CEP70: variants seen among roughly 807,000 people sequenced by gnomAD.
CEP70 encodes centrosomal protein of 70 kDa.
In CEP70, 70 loss-of-function variants were observed where a neutral mutation model predicts 90.9. That is an observed-to-expected ratio of 0.77 (90% CI 0.64 to 0.94). The LOEUF is 0.94. Among genes scored for constraint, CEP70 ranks in the 40% least tolerant of loss-of-function variants. The pLI, the probability that CEP70 is intolerant of heterozygous loss-of-function variation, is 0.00. For synonymous variants in CEP70, 220 were observed against 228.3 expected, an observed-to-expected ratio of 0.96 and a Z score of 0.33; for missense variants, 648 against 669.0, an observed-to-expected ratio of 0.97 and a Z score of 0.35.
intron 6 of CEP70, among the ~76,000 whole-genome samples, chr3:138,547,256 C>T (rs781547420): frequency 1.3e-5 from 2 of 152,190 alleles, no homozygotes; most frequent in African/African-American, 4.8e-5. Flanking sequence ...AAAAGCAATA[C>T]AGTAGTCCTC....
chr3:138,569,454 C>A (rs902581040), intron 6 of CEP70, among the ~76,000 whole-genome samples: 8 of 152,162 alleles, frequency 5.3e-5, no homozygotes, highest in Non-Finnish European at 1.0e-4. Context: ...GCATAAGATT[C>A]ATTTCTTTTA....
intron 8 of CEP70, among the ~76,000 whole-genome samples, chr3:138,531,301 T>C (rs2037789506): frequency 6.6e-6 from 1 of 152,128 alleles, no homozygotes; most frequent in Admixed American, 6.5e-5. Context: ...TCACATCATA[T>C]TCTACACAAA....
intron 8 of CEP70, 119 bp downstream of exon 8, chr3:138,532,395 T>G: frequency 1.2e-6 from 1 of 818,964 alleles, no homozygotes. Flanking sequence ...AAAAAAGAAC[T>G]TCACAGTGAC....
intron 7 of CEP70, 52 bp downstream of exon 7, chr3:138,537,126 A>C: frequency 7.5e-7 from 1 of 1,337,262 alleles, no homozygotes; most frequent in Non-Finnish European, 9.9e-7. Flanking sequence ...AAAACAAACA[A>C]ACAAACACAA....
intron 11 of CEP70, among the ~76,000 whole-genome samples, chr3:138,510,106 T>C (rs757170263): frequency 1.3e-5 from 2 of 152,000 alleles, no homozygotes; most frequent in East Asian, 1.9e-4. Context: ...GAATAAGAAA[T>C]CTGGGCTAGT....
rs1414486087 is a variant in CEP70 at position 138,537,390 on chromosome 3, T to C, written c.466-43A>G. 2.3e-6 allele frequency: 3 copies of C among 1,306,894 alleles called. No individual in the cohort carries two copies. In the South Asian group the frequency reaches 4.6e-5, roughly 20 times the overall value. 81.0% of individuals were successfully genotyped at this position (1,306,894 alleles called of 1,614,324 possible). A position where few individuals can be genotyped will look rare whatever the true frequency, so the allele number is the denominator to read the frequency against. On this transcript the variant is annotated intron_variant, in intron 6 of 17. Transcript: ENST00000264982. ...AAAACATGATTATGATATGTACATCTAGGACATGCTATCCTAACAGTATTG... is the reference window on the plus strand; with the variant it reads ...AAAACATGATTATGATATGTACATCCAGGACATGCTATCCTAACAGTATTG...
intron 6 of CEP70, among the ~76,000 whole-genome samples, chr3:138,543,717 T>C (rs984349745): frequency 4.6e-5 from 7 of 152,136 alleles, no homozygotes; most frequent in African/African-American, 1.7e-4. Flanking sequence ...ATCAGGAGGA[T>C]AGCTTGAGCC....
chr3:138,570,944 A>C, intron 5 of CEP70, 90 bp downstream of exon 5: 9 of 1,106,304 alleles, frequency 8.1e-6, no homozygotes, highest in Non-Finnish European at 1.1e-5. Context: ...TTTAATCAAA[A>C]TGGGAAATTA....
intron 7 of CEP70, among the ~76,000 whole-genome samples, chr3:138,534,774 G>A (rs867885298): frequency 1.3e-5 from 2 of 152,136 alleles, no homozygotes; most frequent in South Asian, 2.1e-4. Context: ...GACTGAAGGT[G>A]CCTAAGTATA....
At chr3:138,518,899 G>C (rs946268955) in intron 11 of CEP70, among the ~76,000 whole-genome samples, 1 of 152,088 alleles carries the variant, frequency 6.6e-6, no homozygotes, top group South Asian at 2.1e-4. Flanking sequence ...AAAGGAGGAA[G>C]TTTGAACCCA....
chr3:138,496,217 GCTTT>G (rs2033946065), intron 17 of CEP70: 1 of 985,288 alleles, frequency 1.0e-6, no homozygotes, highest in Non-Finnish European at 1.2e-6. Context: ...CATAAAGCAT[GCTTT>G]CTTGGATTCC....
At position 138,494,482 on chromosome 3, in the gene CEP70, C is replaced by T. The variant is rs1246048464; in HGVS notation, c.*533G>A. 1 of 152,224 alleles carries T rather than the reference C, an allele frequency of 6.6e-6. No homozygotes were observed. The highest frequency in any genetic ancestry group is 1.5e-5 in the Non-Finnish European group (1 of 68,092). 9.4% of individuals were successfully genotyped at this position (152,224 alleles called of 1,614,324 possible). A position where few individuals can be genotyped will look rare whatever the true frequency, so the allele number is the denominator to read the frequency against. ...ATTTTACCCTATGATTCATTTCCTA[C>T]CCTAACAGAAATGATGAAACAGTTT... On this transcript the variant is annotated 3_prime_UTR_variant, in exon 18 of 18. Transcript: ENST00000264982.
At position 138,505,400 on chromosome 3, in the gene CEP70, G is replaced by C; in HGVS notation, c.1116C>G (p.Thr372=). 1 of 1,610,826 alleles carries C rather than the reference G, an allele frequency of 6.2e-7. No individual in the cohort carries two copies. Among genetic ancestry groups the C allele is most frequent in the East Asian group, 2.2e-5 (1 of 44,656 alleles). Residue 372 remains threonine (T), a synonymous_variant, in exon 13 of 18, where the codon ACC becomes ACG. Coordinates refer to ENST00000264982, the MANE Select transcript of CEP70 (RefSeq NM_024491.4). ...TATTAAAATTTTGGACTCCCCCTTTGGTCTGTTTATAAATTATTACTGGAG... is the reference window on the plus strand; with the variant it reads ...TATTAAAATTTTGGACTCCCCCTTTCGTCTGTTTATAAATTATTACTGGAG... The part of the protein sequence containing the change: ...PRAPVIIYKQ[T]KGGVQNFNKD...
At chr3:138,556,399 G>C (rs1387555541) in intron 6 of CEP70, among the ~76,000 whole-genome samples, 2 of 151,770 alleles carry the variant, frequency 1.3e-5, no homozygotes, top group East Asian at 3.9e-4. Flanking sequence ...ATGGTGGTGG[G>C]AGCCTGTAGT....
At position 138,500,181 on chromosome 3, in the gene CEP70, T is replaced by G; in HGVS notation, c.1581A>C (p.Lys527Asn). The change falls in exon 16 of 18, where the codon AAA becomes AAC. Residue 527 changes from lysine to asparagine, a missense_variant. Physicochemically the swap from Lys to Asn is moderately conservative, Grantham distance 94. Coordinates refer to ENST00000264982, the MANE Select transcript of CEP70 (RefSeq NM_024491.4). ...SLCVLVSTVG[K>N]LCRLINEDVN... ...CATCTTCATTAATCAGCCTACAGAG[T>G]TTTCCAACAGTGCTTACTAGCACAC... 1 of 1,613,636 alleles carries G rather than the reference T, an allele frequency of 6.2e-7. No homozygotes were observed. Among genetic ancestry groups the G allele is most frequent in the Non-Finnish European group, 8.5e-7 (1 of 1,179,696 alleles).
chr3:138,581,266 A>G (rs1015854977), intron 2 of CEP70, among the ~76,000 whole-genome samples: 1 of 150,356 alleles, frequency 6.7e-6, no homozygotes, highest in Non-Finnish European at 1.5e-5. Flanking sequence ...TGGGCGACAC[A>G]GTGAGACTCC....
intron 6 of CEP70, among the ~76,000 whole-genome samples, chr3:138,569,438 T>C (rs1481911084): frequency 6.6e-6 from 1 of 152,222 alleles, no homozygotes; most frequent in East Asian, 1.9e-4. Flanking sequence ...TAAACATTAG[T>C]TACCAGCATA....
At chr3:138,498,577 G>A (rs2034172884) in intron 16 of CEP70, among the ~76,000 whole-genome samples, 1 of 151,386 alleles carries the variant, frequency 6.6e-6, no homozygotes, top group Non-Finnish European at 1.5e-5. Flanking sequence ...CTCGTGATCC[G>A]CCCACCTCGG....
At chr3:138,524,900 C>A (rs1007336598) in intron 11 of CEP70, among the ~76,000 whole-genome samples, 1 of 152,186 alleles carries the variant, frequency 6.6e-6, no homozygotes, top group African/African-American at 2.4e-5. Flanking sequence ...TTGACCCAGC[C>A]ATCCCATTAC....
Sources: allele counts gnomAD v4.1 joint callset (sites outside exome capture counted in the v4.1 genomes callset), GRCh38; gene constraint gnomAD v4.1.1; transcripts MANE v1.5; gene names NCBI Gene and HGNC (gene_info 2026-07-23, HGNC 2026-07-21).